KANK1: variants seen among roughly 807,000 people sequenced by gnomAD.
The protein encoded by KANK1 is KN motif and ankyrin repeat domains 1, also known as KN motif and ankyrin repeat domain-containing protein 1.
KANK1 carries 109 observed loss-of-function variants against 106.2 expected under a neutral mutation model. That is an observed-to-expected ratio of 1.03 (90% CI 0.88 to 1.20). The LOEUF (loss-of-function observed/expected upper bound fraction) is 1.20. KANK1 is among the 50% of genes most tolerant of loss of function. The probability of loss-of-function intolerance (pLI) is 0.00; values close to 1 mark genes in which losing one functional copy is unlikely to be tolerated. For synonymous variants in KANK1, 873 were observed against 652.2 expected (o/e 1.34, Z -5.16); for missense variants, 2,399 against 1,710.7 (o/e 1.40, Z -7.10).
In KANK1 at chr9:645,676, G is replaced by T. The variant is rs1839513363; in HGVS notation, c.-83-31214G>T. On this transcript the variant is annotated intron_variant, in intron 1 of 11. Coordinates refer to ENST00000382297, the MANE Select transcript of KANK1 (RefSeq NM_015158.5). ...GTGGGCGGATCACCTGAGATCAGGA[G>T]TTCGAAACCAGCCTGGCCAACGTGG... Among the ~76,000 whole-genome samples, 2 of 150,490 alleles carry T rather than the reference G, an allele frequency of 1.3e-5. 1 individual carries two copies. The highest frequency in any genetic ancestry group is 5.0e-5 in the African/African-American group (2 of 39,924).
In KANK1 at chr9:745,367, A is replaced by G; in HGVS notation, c.*132A>G. ...AAACAGAAGCATCAAGCCCAGGGGT[A>G]AAGGCTGAAGCTTTCACAGTGCAGA... On this transcript the variant is annotated 3_prime_UTR_variant, in exon 12 of 12. Transcript: ENST00000382297. 1.7e-6 allele frequency: 2 copies of G among 1,168,962 alleles called. No individual in the cohort carries two copies. Among genetic ancestry groups the G allele is most frequent in the Non-Finnish European group, 1.3e-6 (1 of 796,244 alleles). 72.4% of individuals were successfully genotyped at this position (1,168,962 alleles called of 1,614,324 possible).
chr9:527,391 AC>A lies in KANK1; in HGVS notation c.-84+22640del, dbSNP rs1489986708. 5.3e-5 allele frequency among the ~76,000 whole-genome samples: 8 copies of A among 151,642 alleles called. No homozygotes were observed. The East Asian group carries it at 1.5e-3, about 29-fold the overall frequency. ...ATCTTGGCTCGCGGCAGCCTACGCC[AC>A]CCAGTTTGAAGTGATTCTCCTTCCT... On this transcript the variant is annotated intron_variant, in intron 1 of 11. Transcript: ENST00000382297.
At chr9:739,590 G>C (rs990678066) in intron 8 of KANK1, among the ~76,000 whole-genome samples, 1 of 152,188 alleles carries the variant, frequency 6.6e-6, no homozygotes, top group Non-Finnish European at 1.5e-5. Flanking sequence ...TGGTGATACA[G>C]TCAGCCAGAG....
At chr9:517,122 T>C (rs2059317228) in intron 1 of KANK1, among the ~76,000 whole-genome samples, 1 of 151,842 alleles carries the variant, frequency 6.6e-6, no homozygotes, top group Non-Finnish European at 1.5e-5. Flanking sequence ...TTTTTGTTTT[T>C]GTTTTGAGAC....
chr9:637,509 C>A lies in KANK1; in HGVS notation c.-83-39381C>A, dbSNP rs115816882. On this transcript the variant is annotated intron_variant, in intron 1 of 11. Transcript: ENST00000382297. ...TCACTTGGGGTACTTAACTCAAGTACGTATTGCTGGGACTTACCTTCAGGG... is the reference window on the plus strand; with the variant it reads ...TCACTTGGGGTACTTAACTCAAGTAAGTATTGCTGGGACTTACCTTCAGGG... Among the ~76,000 whole-genome samples, 408 of 152,210 alleles carry A rather than the reference C, an allele frequency of 2.7e-3. 7 individuals are homozygous for A. The highest frequency in any genetic ancestry group is 9.8e-3 in the African/African-American group (406 of 41,520).
At chr9:491,392 T>C (rs146775624) in intron 3 of KANK1, among the ~76,000 whole-genome samples, 2,367 of 151,950 alleles carry the variant, frequency 0.016, 77 homozygotes, top group African/African-American at 0.053. Flanking sequence ...CTCAGCCTCC[T>C]GAGTAGCTGG....
intron 2 of KANK1, among the ~76,000 whole-genome samples, chr9:703,735 G>A (rs1291780036): frequency 3.3e-5 from 5 of 150,518 alleles, no homozygotes; most frequent in African/African-American, 4.9e-5. Context: ...TTTTTGAGAC[G>A]GAGTCTTGCT....
At chr9:742,973 T>C (rs1248807281) in intron 10 of KANK1, among the ~76,000 whole-genome samples, 1 of 152,190 alleles carries the variant, frequency 6.6e-6, no homozygotes, top group Non-Finnish European at 1.5e-5. Context: ...CTCTGCTCTC[T>C]TCTCCCAGTT....
chr9:740,636 C>T (rs1299652593), intron 8 of KANK1, among the ~76,000 whole-genome samples, 156 bp from the exon 9 acceptor site: 1 of 152,196 alleles, frequency 6.6e-6, no homozygotes, highest in African/African-American at 2.4e-5. Context: ...AGTATGAAAA[C>T]ATCTCTCACA....
intron 1 of KANK1, among the ~76,000 whole-genome samples, chr9:642,057 A>G (rs1055545646): frequency 3.9e-5 from 6 of 152,166 alleles, no homozygotes; most frequent in African/African-American, 1.4e-4. Flanking sequence ...GGTATATTAA[A>G]TACTGTGTTG....
chr9:579,771 C>T (rs145923755), intron 1 of KANK1, among the ~76,000 whole-genome samples: 16 of 152,246 alleles, frequency 1.1e-4, no homozygotes, highest in African/African-American at 3.1e-4. Context: ...TATGTTATTC[C>T]GTTCACATGT....
intron 3 of KANK1, among the ~76,000 whole-genome samples, chr9:725,887 A>C (rs1205759517): frequency 6.6e-6 from 1 of 152,200 alleles, no homozygotes. Context: ...AAAGGGATAA[A>C]GTTGTGATCA....
upstream of KANK1, among the ~76,000 whole-genome samples, chr9:504,172 G>A (rs1029485239): frequency 2.0e-5 from 3 of 152,200 alleles, no homozygotes; most frequent in African/African-American, 7.2e-5. Flanking sequence ...CTCGTTGCCA[G>A]AACCCCCGCC....
intron 3 of KANK1, among the ~76,000 whole-genome samples, chr9:718,298 CT>C (rs60145502): frequency 0.11 from 8,283 of 73,948 alleles, 707 homozygotes; most frequent in East Asian, 0.46. Context: ...CTTGCTGTGT[CT>C]TTTTTTTTTT....
At chr9:603,060 C>G (rs1490096123) in intron 1 of KANK1, among the ~76,000 whole-genome samples, 4 of 151,792 alleles carry the variant, frequency 2.6e-5, no homozygotes, top group Admixed American at 6.6e-5. Context: ...CCACCTGTTT[C>G]TTACATATGG....
intron 2 of KANK1, among the ~76,000 whole-genome samples, chr9:708,466 A>G (rs555307168): frequency 1.3e-5 from 2 of 152,358 alleles, no homozygotes; most frequent in East Asian, 3.9e-4. Flanking sequence ...CTTCTTTCAC[A>G]TAGAATTCAC....
chr9:722,760 G>T (rs972741223), intron 3 of KANK1, among the ~76,000 whole-genome samples: 1 of 152,178 alleles, frequency 6.6e-6, no homozygotes, highest in Admixed American at 6.5e-5. Context: ...TTAAGCCTCA[G>T]TAGAATCCTC....
chr9:582,198 G>A (rs1268295607), intron 1 of KANK1, among the ~76,000 whole-genome samples: 1 of 152,070 alleles, frequency 6.6e-6, no homozygotes, highest in Non-Finnish European at 1.5e-5. Flanking sequence ...CCTTCTTCAT[G>A]GCTACTTGCT....
chr9:570,524 A>G (rs1238445583), intron 1 of KANK1, among the ~76,000 whole-genome samples: 1 of 152,200 alleles, frequency 6.6e-6, no homozygotes, highest in African/African-American at 2.4e-5. Flanking sequence ...TTAATCTGTT[A>G]GAGGATCTTT....
Sources: allele counts gnomAD v4.1 joint callset (sites outside exome capture counted in the v4.1 genomes callset), GRCh38; gene constraint gnomAD v4.1.1; transcripts MANE v1.5; gene names NCBI Gene and HGNC (gene_info 2026-07-23, HGNC 2026-07-21).